RPSA2: variants seen among roughly 807,000 people sequenced by gnomAD.
RPSA2 encodes the protein small ribosomal subunit protein uS2B.
chr19:23,841,357 G>T, the RPSA2 span, among the ~76,000 whole-genome samples: 7 of 152,144 alleles, frequency 4.6e-5, no homozygotes, highest in South Asian at 1.5e-3. Flanking sequence ...CCAGCTACTC[G>T]GGAGGCTAAG....
At chr19:23,815,487 T>C in the RPSA2 span, among the ~76,000 whole-genome samples, 3 of 152,212 alleles carry the variant, frequency 2.0e-5, no homozygotes, top group Admixed American at 2.0e-4. Context: ...TGTCTGTTAT[T>C]ATGTGACATG....
the RPSA2 span, chr19:23,799,211 A>G: frequency 6.6e-6 from 1 of 152,078 alleles, no homozygotes; most frequent in Non-Finnish European, 1.5e-5. Context: ...TTTTCTCTCA[A>G]TATAATCTTT....
At chr19:23,841,625 G>A in the RPSA2 span, among the ~76,000 whole-genome samples, 3 of 152,264 alleles carry the variant, frequency 2.0e-5, no homozygotes, top group African/African-American at 7.2e-5. Flanking sequence ...GTGATTTGTG[G>A]GTTACTGGAA....
the RPSA2 span, among the ~76,000 whole-genome samples, chr19:23,800,250 G>C: frequency 6.6e-6 from 1 of 151,264 alleles, no homozygotes; most frequent in East Asian, 1.9e-4. Context: ...CACCGTGTTA[G>C]CCAGGATGGT....
the RPSA2 span, among the ~76,000 whole-genome samples, chr19:23,780,921 G>A: frequency 6.4e-4 from 97 of 152,272 alleles, no homozygotes; most frequent in Middle Eastern, 3.4e-3. Context: ...CCTCACTTTT[G>A]GAGATAGTTG....
At chr19:23,837,737 G>A in the RPSA2 span, among the ~76,000 whole-genome samples, 2 of 152,038 alleles carry the variant, frequency 1.3e-5, no homozygotes, top group Non-Finnish European at 2.9e-5. Flanking sequence ...ATGAGTTCTT[G>A]ATTTAATTCT....
chr19:23,839,411 AC>A, the RPSA2 span, among the ~76,000 whole-genome samples: 1 of 152,062 alleles, frequency 6.6e-6, no homozygotes, highest in Non-Finnish European at 1.5e-5. Flanking sequence ...CACAGGCCTC[AC>A]TCAGCTCCAG....
chr19:23,782,442 G>C, the RPSA2 span: 1 of 152,028 alleles, frequency 6.6e-6, no homozygotes, highest in Admixed American at 6.6e-5. Context: ...CCTGACTACA[G>C]GGAGCATTGT....
the RPSA2 span, among the ~76,000 whole-genome samples, chr19:23,759,522 GTT>G: frequency 6.7e-5 from 6 of 89,034 alleles, no homozygotes; most frequent in Admixed American, 3.6e-4. Flanking sequence ...TATATATCAG[GTT>G]TTTTTTTTTT....
At chr19:23,804,615 A>T in the RPSA2 span, among the ~76,000 whole-genome samples, 64 of 152,286 alleles carry the variant, frequency 4.2e-4, no homozygotes, top group Non-Finnish European at 8.2e-4. Flanking sequence ...TTTTCTAAAC[A>T]GTGCTAATAA....
At chr19:23,790,661 G>T in the RPSA2 span, 1 of 343,066 alleles carries the variant, frequency 2.9e-6, no homozygotes. Context: ...TCCAGGTGTC[G>T]TCTTCACTGC....
the RPSA2 span, among the ~76,000 whole-genome samples, chr19:23,821,884 T>C: frequency 1.3e-5 from 2 of 152,192 alleles, no homozygotes; most frequent in Non-Finnish European, 2.9e-5. Flanking sequence ...GCCTTTTTCC[T>C]AAGCCTCTGC....
At chr19:23,837,122 T>C in the RPSA2 span, among the ~76,000 whole-genome samples, 1 of 152,334 alleles carries the variant, frequency 6.6e-6, no homozygotes, top group African/African-American at 2.4e-5. Context: ...AGGTCTTAGG[T>C]TTAAGTCCTT....
the RPSA2 span, among the ~76,000 whole-genome samples, chr19:23,806,005 A>G: frequency 0.92 from 134,911 of 146,818 alleles, 61,528 homozygotes; most frequent in East Asian, 0.99. Context: ...CTGTCTGTCT[A>G]TCTATCTATC....
At chr19:23,865,723 C>T in the RPSA2 span, among the ~76,000 whole-genome samples, 2 of 152,168 alleles carry the variant, frequency 1.3e-5, no homozygotes, top group South Asian at 2.1e-4. Context: ...CATGCTGCTG[C>T]TATGGCAAGG....
At chr19:23,850,041 G>A in the RPSA2 span, among the ~76,000 whole-genome samples, 1 of 152,040 alleles carries the variant, frequency 6.6e-6, no homozygotes, top group Non-Finnish European at 1.5e-5. Context: ...ACAACCAGGT[G>A]CATGTCTGAG....
the RPSA2 span, among the ~76,000 whole-genome samples, chr19:23,865,109 G>T: frequency 6.6e-6 from 1 of 152,230 alleles, no homozygotes; most frequent in Admixed American, 6.5e-5. Flanking sequence ...AGATCTGCTG[G>T]AGCACAGGAA....
At chr19:23,778,364 C>T in the RPSA2 span, among the ~76,000 whole-genome samples, 2 of 152,140 alleles carry the variant, frequency 1.3e-5, no homozygotes, top group South Asian at 4.1e-4. Flanking sequence ...AGGCCTGCAC[C>T]ACCACGCCCA....
chr19:23,846,278 T>C, the RPSA2 span, among the ~76,000 whole-genome samples: 1 of 152,174 alleles, frequency 6.6e-6, no homozygotes, highest in Non-Finnish European at 1.5e-5. Context: ...CATAAATCTA[T>C]ACATTTCAAT....
Sources: gnomAD v4.1 joint callset for allele counts (sites outside exome capture counted in the v4.1 genomes callset) on GRCh38, gnomAD v4.1.1 for gene constraint, MANE v1.5 for transcripts, NCBI Gene and HGNC (gene_info 2026-07-23, HGNC 2026-07-21) for gene names.